Variants in COL13A1 observed in about 807,000 individuals in gnomAD.
COL13A1 encodes collagen type XIII alpha 1 chain, also known as collagen alpha-1(XIII) chain.
Under a neutral mutation model 130.9 loss-of-function variants are expected in COL13A1, and 89 were observed. That is an observed-to-expected ratio of 0.68 (90% CI 0.57 to 0.81). COL13A1 has a LOEUF of 0.81. Among genes scored for constraint, COL13A1 ranks in the 30% least tolerant of loss-of-function variants. The probability of loss-of-function intolerance (pLI) is 0.00; values close to 1 mark genes in which losing one functional copy is unlikely to be tolerated. For missense variants in COL13A1, 879 were observed against 934.6 expected, an observed-to-expected ratio of 0.94 and a Z score of 0.78; for synonymous variants, 402 against 341.6, an observed-to-expected ratio of 1.18 and a Z score of -1.95.
At chr10:69,849,942 G>C (rs527421053) in intron 2 of COL13A1, among the ~76,000 whole-genome samples, 1 of 152,272 alleles carries the variant, frequency 6.6e-6, no homozygotes, top group South Asian at 2.1e-4. Flanking sequence ...TGGTCATCCT[G>C]GGCTCCTCTT....
At chr10:69,952,838 T>G (rs934857107) in intron 38 of COL13A1, 44 bp from the exon 39 acceptor site, 10 of 1,349,854 alleles carry the variant, frequency 7.4e-6, no homozygotes, top group Non-Finnish European at 2.0e-6. Flanking sequence ...TGAATGATCT[T>G]AAAGTTTTGA....
intron 2 of COL13A1, among the ~76,000 whole-genome samples, chr10:69,857,921 G>A (rs61849251): frequency 6.5e-5 from 7 of 107,818 alleles, no homozygotes; most frequent in African/African-American, 1.7e-4. Context: ...TTCGAGACCA[G>A]CCTGGCCAAT....
rs755616299 is a variant in COL13A1 at position 69,917,269 on chromosome 10, T to G, written c.922-20T>G. On this transcript the variant is annotated intron_variant, in intron 17 of 40. Coordinates refer to ENST00000645393, the MANE Select transcript of COL13A1 (RefSeq NM_001368882.1). ...CCCGAGTCTGGTCCTCTCCTCATGC[T>G]TTCTCATTTCTTCCTCCAGGGAGAA... The G allele has an allele frequency of 1.2e-6, 2 of 1,613,614 alleles. No homozygotes were observed. Among genetic ancestry groups the G allele is most frequent in the Non-Finnish European group, 1.7e-6 (2 of 1,179,704 alleles).
chr10:69,802,436 C>A lies in COL13A1; in HGVS notation c.13C>A (p.Arg5Ser), dbSNP rs1009054845. MVAE[R>S]THKAAATGAR... ...AAGACGCGAGAGGATGGTAGCGGAG[C>A]GCACCCACAAAGCGGCAGCCACCGG... Residue 5 changes from arginine (R) to serine (S), a missense_variant, in exon 1 of 41, where the codon CGC becomes AGC. Around this residue, in one of 3 missense-constraint regions of COL13A1, gnomAD observed 715 missense variants for 721.0 expected, o/e 0.99. Coordinates refer to ENST00000645393, the MANE Select transcript of COL13A1 (RefSeq NM_001368882.1). 3 of 1,500,092 alleles carry A rather than the reference C, an allele frequency of 2.0e-6. No homozygotes were observed. The highest frequency in any genetic ancestry group is 5.0e-5 in the Admixed American group (2 of 39,756). 92.9% of individuals were successfully genotyped at this position (1,500,092 alleles called of 1,614,324 possible).
At chr10:69,909,956 TG>T (rs1210995266) in intron 17 of COL13A1, among the ~76,000 whole-genome samples, 1 of 152,220 alleles carries the variant, frequency 6.6e-6, no homozygotes, top group Non-Finnish European at 1.5e-5. Context: ...ACAGCCATGC[TG>T]GAATTTGAAA....
At chr10:69,804,839 A>AAAAAAAAAAAAAC (rs1841083768) in intron 1 of COL13A1, among the ~76,000 whole-genome samples, 1 of 143,148 alleles carries the variant, frequency 7.0e-6, no homozygotes, top group Admixed American at 7.2e-5. Flanking sequence ...AAAAAAAAAA[A>AAAAAAAAAAAAAC]AAAGCTACAA....
At position 69,927,230 on chromosome 10, in the gene COL13A1, G is replaced by A. The variant is rs1370092196; in HGVS notation, c.1422+120G>A. 2.0e-6 allele frequency: 3 copies of A among 1,487,812 alleles called. No individual in the cohort carries two copies. In the East Asian group the frequency reaches 6.9e-5, roughly 34 times the overall value. The allele number at this position is 1,487,812 out of a possible 1,614,324, so 92.2% of individuals were successfully genotyped here. A position where few individuals can be genotyped will look rare whatever the true frequency, so the allele number is the denominator to read the frequency against. ...AGCAGGTACTGGGCTGCAGATTAGG[G>A]TTGACCCAACAGGGCTGGGGCAGAT... is the stretch of plus-strand genomic sequence containing the variant. On this transcript the variant is annotated intron_variant, in intron 27 of 40. Transcript: ENST00000645393.
chr10:69,809,525 AT>A, intron 1 of COL13A1, among the ~76,000 whole-genome samples: 1 of 152,336 alleles, frequency 6.6e-6, no homozygotes, highest in Non-Finnish European at 1.5e-5. Flanking sequence ...AGTTAAGCAA[AT>A]TTCCCATGGT....
chr10:69,860,916 G>T (rs1174578486), intron 2 of COL13A1, among the ~76,000 whole-genome samples: 1 of 152,214 alleles, frequency 6.6e-6, no homozygotes, highest in Non-Finnish European at 1.5e-5. Flanking sequence ...CTAGGCTGGC[G>T]AACGGCTTCC....
chr10:69,827,754 C>T (rs1000501103), intron 2 of COL13A1, among the ~76,000 whole-genome samples: 1 of 152,168 alleles, frequency 6.6e-6, no homozygotes, highest in Non-Finnish European at 1.5e-5. Context: ...ATCCTAAACC[C>T]TACTCTCTAG....
chr10:69,943,272 C>T (rs2067932454), intron 35 of COL13A1, among the ~76,000 whole-genome samples: 1 of 152,170 alleles, frequency 6.6e-6, no homozygotes, highest in African/African-American at 2.4e-5. Context: ...AGTCATGCCC[C>T]GCCATTCACA....
intron 1 of COL13A1, among the ~76,000 whole-genome samples, chr10:69,809,601 C>T (rs568874502): frequency 1.3e-5 from 2 of 152,360 alleles, no homozygotes; most frequent in South Asian, 4.1e-4. Flanking sequence ...AGCTGGCATC[C>T]TCAGCCACTA....
rs2066698795 is a variant in COL13A1, at chr10:69,935,403, G to A, written c.1770+12G>A. 2.6e-6 allele frequency: 4 copies of A among 1,548,268 alleles called. No individual in the cohort carries two copies. The highest frequency in any genetic ancestry group is 3.5e-6 in the Non-Finnish European group (4 of 1,145,528). On this transcript the variant is annotated intron_variant, in intron 32 of 40. Transcript: ENST00000645393. ...CTCCCGGACCTCCGGTAAGTTTGGA[G>A]GGCTTGTCAGTGGCCAGTCCACTAA...
At chr10:69,889,164 C>A (rs548211246) in intron 9 of COL13A1, among the ~76,000 whole-genome samples, 18 of 152,322 alleles carry the variant, frequency 1.2e-4, no homozygotes, top group African/African-American at 4.3e-4. Flanking sequence ...GGGAGACTAC[C>A]CCCACCCCTG....
intron 2 of COL13A1, among the ~76,000 whole-genome samples, chr10:69,836,932 G>C (rs1364435112): frequency 6.6e-6 from 1 of 151,946 alleles, no homozygotes; most frequent in Non-Finnish European, 1.5e-5. Flanking sequence ...GAGCTGTCAC[G>C]GGGTGACCTG....
At chr10:69,846,238 A>G (rs897938448) in intron 2 of COL13A1, among the ~76,000 whole-genome samples, 1 of 152,208 alleles carries the variant, frequency 6.6e-6, no homozygotes, top group African/African-American at 2.4e-5. Context: ...GGTGGTCCCA[A>G]GACAGGGTCC....
At chr10:69,805,528 A>C (rs886560112) in intron 1 of COL13A1, among the ~76,000 whole-genome samples, 8 of 152,226 alleles carry the variant, frequency 5.3e-5, no homozygotes, top group Non-Finnish European at 1.0e-4. Context: ...TAAACTAACT[A>C]AAATTAAATA....
intron 1 of COL13A1, among the ~76,000 whole-genome samples, chr10:69,803,714 A>G (rs1840692335): frequency 1.3e-5 from 2 of 152,072 alleles, no homozygotes; most frequent in African/African-American, 2.4e-5. Flanking sequence ...AGTGTGCAGC[A>G]GTAAAGATCA....
At chr10:69,946,418 G>T (rs971132189) in intron 37 of COL13A1, among the ~76,000 whole-genome samples, 2 of 152,240 alleles carry the variant, frequency 1.3e-5, no homozygotes, top group Non-Finnish European at 2.9e-5. Flanking sequence ...GGGACACCTG[G>T]CTTTCCATCA....
Sources: gnomAD v4.1 joint callset for allele counts (sites outside exome capture counted in the v4.1 genomes callset) on GRCh38, gnomAD v4.1.1 for gene constraint, gnomAD v4.1.1 regional missense constraint, MANE v1.5 for transcripts, NCBI Gene and HGNC (gene_info 2026-07-23, HGNC 2026-07-21) for gene names.